The following FAF2 variants were observed in gnomAD, a reference collection of about 807,000 sequenced individuals.
The protein encoded by FAF2 is FAS-associated factor 2.
In FAF2, 9 loss-of-function variants were observed where a neutral mutation model predicts 62.3. The ratio of observed to expected loss-of-function variants is 0.14; its 90% CI spans 0.09 to 0.25. The LOEUF (loss-of-function observed/expected upper bound fraction) is 0.25. Among genes scored for constraint, FAF2 ranks in the 10% least tolerant of loss-of-function variants. The pLI, the probability that FAF2 is intolerant of heterozygous loss-of-function variation, is 1.00. For synonymous variants in FAF2, 202 were observed against 198.0 expected, an observed-to-expected ratio of 1.02 and a Z score of -0.17; for missense variants, 368 against 556.2, an observed-to-expected ratio of 0.66 and a Z score of 3.40.
At chr5:176,455,357 G>A (rs1256598915) in intron 1 of FAF2, among the ~76,000 whole-genome samples, 4 of 152,170 alleles carry the variant, frequency 2.6e-5, no homozygotes, top group South Asian at 2.1e-4. Flanking sequence ...ACTGAGGTGG[G>A]AGCATCACCT....
In FAF2 at chr5:176,494,744, A is replaced by G. The variant is rs990648815; in HGVS notation, c.661+469A>G. On this transcript the variant is annotated intron_variant, in intron 7 of 10. Transcript: ENST00000261942. The surrounding 1 kb of genome is among the most constrained non-coding windows in gnomAD (Gnocchi z 4.0). ...TAATTTTTTTGTATTTTTAGTAGAG[A>G]TGGGGTTTCACCATGTAGCCTCAAA... Among the ~76,000 whole-genome samples the G allele has an allele frequency of 6.6e-6, 1 of 151,974 alleles. No homozygotes were observed. The highest frequency in any genetic ancestry group is 2.4e-5 in the African/African-American group (1 of 41,354).
intron 1 of FAF2, among the ~76,000 whole-genome samples, chr5:176,449,047 C>T (rs1332662854): frequency 6.6e-6 from 1 of 152,180 alleles, no homozygotes; most frequent in Non-Finnish European, 1.5e-5. Context: ...TAAGTGTCAT[C>T]AGTGGTCTGT....
chr5:176,485,715 A>G (rs878856311), intron 2 of FAF2, among the ~76,000 whole-genome samples: 5 of 152,198 alleles, frequency 3.3e-5, no homozygotes, highest in Admixed American at 1.3e-4. Context: ...ACTGAGGCTC[A>G]TATGTTTTTT....
intron 10 of FAF2, among the ~76,000 whole-genome samples, chr5:176,506,301 T>C (rs1755684353): frequency 6.6e-6 from 1 of 152,082 alleles, no homozygotes; most frequent in South Asian, 2.1e-4. Flanking sequence ...AGAAATAATG[T>C]GTCAGTTACA....
chr5:176,491,827 C>T (rs1176443598), intron 4 of FAF2, among the ~76,000 whole-genome samples: 3 of 152,144 alleles, frequency 2.0e-5, no homozygotes, highest in Admixed American at 6.6e-5. Context: ...AGTACTTAGA[C>T]GGTGCCATTC....
At chr5:176,501,511 G>T (rs537508940) in intron 10 of FAF2, among the ~76,000 whole-genome samples, 17 of 152,268 alleles carry the variant, frequency 1.1e-4, no homozygotes, top group Admixed American at 7.2e-4. Flanking sequence ...TCTGCCCTCT[G>T]ATAAGTTTAA....
intron 1 of FAF2, among the ~76,000 whole-genome samples, chr5:176,466,412 T>C (rs1758469836): frequency 6.6e-6 from 1 of 152,154 alleles, no homozygotes; most frequent in South Asian, 2.1e-4. Flanking sequence ...ACAAGCCAAT[T>C]GGAATTTAGA....
At chr5:176,470,340 G>A (rs1027652047) in intron 1 of FAF2, among the ~76,000 whole-genome samples, 1 of 152,246 alleles carries the variant, frequency 6.6e-6, no homozygotes, top group Non-Finnish European at 1.5e-5. Context: ...CACTTTGGGA[G>A]GCCGAGGCGG....
In FAF2 at chr5:176,489,000, C is replaced by G. The variant is rs889775618; in HGVS notation, c.317C>G (p.Thr106Ser). ...YYLIMLPFRF[T>S]YYTILDIFRF... Reference sequence around the variant, plus strand: ...TTGATAATGCTTCCATTCCGGTTTACCTATTACACGATACTTGATATATTT... The same window carrying G: ...TTGATAATGCTTCCATTCCGGTTTAGCTATTACACGATACTTGATATATTT... The change falls in exon 4 of 11, where the codon ACC becomes AGC. Residue 106 changes from threonine (T) to serine (S), a missense_variant. This residue lies in a region of FAF2 where 331 missense variants were observed against 441.9 expected (regional missense o/e 0.75). Coordinates refer to ENST00000261942, the MANE Select transcript of FAF2 (RefSeq NM_014613.3). 2.5e-6 allele frequency: 4 copies of G among 1,613,820 alleles called. No homozygotes were observed. The highest frequency in any genetic ancestry group is 3.4e-6 in the Non-Finnish European group (4 of 1,179,838).
chr5:176,455,284 C>CA (rs1758261633), intron 1 of FAF2, among the ~76,000 whole-genome samples: 2 of 151,182 alleles, frequency 1.3e-5, no homozygotes, highest in Admixed American at 6.6e-5. Context: ...AAAACTACAA[C>CA]AAAAAAATTA....
At chr5:176,486,221 G>A (rs1301558937) in intron 2 of FAF2, 134 bp from the exon 3 acceptor site, 2 of 1,039,646 alleles carry the variant, frequency 1.9e-6, no homozygotes, top group South Asian at 3.2e-5. Flanking sequence ...GCCCATGAAG[G>A]TGCACTCCTC....
At chr5:176,499,947 G>C in intron 9 of FAF2, 56 bp from the exon 10 acceptor site, 1 of 1,591,990 alleles carries the variant, frequency 6.3e-7, no homozygotes, top group Admixed American at 1.8e-5. Flanking sequence ...AAAGCTACAT[G>C]GTCATTGTAT....
Position 176,499,073 on chromosome 5 carries a change from G to A in FAF2, c.999G>A (p.Glu333=). 3 of 1,590,224 alleles carry A rather than the reference G, an allele frequency of 1.9e-6. No homozygotes were observed. The highest frequency in any genetic ancestry group is 2.6e-6 in the Non-Finnish European group (3 of 1,166,946). ...EEVQQQKLAE[E]RRRQNLQEEK... is the part of the protein sequence containing the mutation. ...TGCAACAGCAAAAGTTGGCAGAGGA[G>A]AGACGGCGGCAGGTAATGGACGTGT... The change falls in exon 9 of 11, where the codon GAG becomes GAA. Residue 333 remains glutamate, a synonymous_variant. Coordinates refer to ENST00000261942, the MANE Select transcript of FAF2 (RefSeq NM_014613.3).
At chr5:176,456,928 G>T (rs376736654) in intron 1 of FAF2, among the ~76,000 whole-genome samples, 33 of 152,290 alleles carry the variant, frequency 2.2e-4, no homozygotes, top group African/African-American at 7.9e-4. Context: ...TTACTCAGTA[G>T]TGTTTGCTGG....
chr5:176,497,076 T>G (rs1755509170), intron 8 of FAF2: 1 of 152,888 alleles, frequency 6.5e-6, no homozygotes, highest in Non-Finnish European at 1.5e-5. Flanking sequence ...AGGCCAGGAG[T>G]TCGAGGCAGC....
At chr5:176,462,982 T>C (rs1002890852) in intron 1 of FAF2, among the ~76,000 whole-genome samples, 5 of 152,196 alleles carry the variant, frequency 3.3e-5, no homozygotes, top group African/African-American at 1.2e-4. Flanking sequence ...ACGTTTCTGC[T>C]TGAATCTGAG....
At chr5:176,454,723 G>A (rs1017726349) in intron 1 of FAF2, among the ~76,000 whole-genome samples, 1 of 150,808 alleles carries the variant, frequency 6.6e-6, no homozygotes, top group African/African-American at 2.4e-5. Context: ...TTATCTTTGT[G>A]TATTTTTGTC....
At chr5:176,498,773 C>T in intron 8 of FAF2, 141 bp from the exon 9 acceptor site, 1 of 723,980 alleles carries the variant, frequency 1.4e-6, no homozygotes, top group Non-Finnish European at 2.0e-6. Context: ...TTTTGGAATC[C>T]CTTATGGCAG....
At chr5:176,454,577 G>GAAAAAAAA (rs56324116) in intron 1 of FAF2, among the ~76,000 whole-genome samples, 7 of 95,298 alleles carry the variant, frequency 7.3e-5, no homozygotes, top group Non-Finnish European at 1.0e-4. Context: ...GATTCTGTCT[G>GAAAAAAAA]AAAAAAAAAA....
Sources: gnomAD v4.1 joint callset for allele counts (sites outside exome capture counted in the v4.1 genomes callset) on GRCh38, gnomAD v4.1.1 for gene constraint, gnomAD v4.1.1 regional missense constraint, Gnocchi (gnomAD v3.1) non-coding constraint, MANE v1.5 for transcripts, NCBI Gene and HGNC (gene_info 2026-07-23, HGNC 2026-07-21) for gene names.